The following GRIP1 variants were observed in gnomAD, a reference collection of about 807,000 sequenced individuals.
GRIP1 encodes the protein glutamate receptor interacting protein 1, also known as glutamate receptor-interacting protein 1.
GRIP1 carries 45 observed loss-of-function variants against 129.9 expected under a neutral mutation model. The ratio of observed to expected loss-of-function variants is 0.35; its 90% CI spans 0.27 to 0.44. GRIP1 has a LOEUF of 0.44. GRIP1 is among the 20% of genes least tolerant of loss of function. The probability of loss-of-function intolerance (pLI) is 1.00; values close to 1 mark genes in which losing one functional copy is unlikely to be tolerated. For synonymous variants in GRIP1, 530 were observed against 520.8 expected, an observed-to-expected ratio of 1.02 and a Z score of -0.24; for missense variants, 1,196 against 1,396.8, an observed-to-expected ratio of 0.86 and a Z score of 2.29.
intron 1 of GRIP1, among the ~76,000 whole-genome samples, chr12:66,873,579 T>G (rs1163379952): frequency 6.6e-6 from 1 of 152,078 alleles, no homozygotes; most frequent in Non-Finnish European, 1.5e-5. Context: ...ATAATTTGAC[T>G]ATGGAATACT....
At chr12:66,778,786 G>A (rs753369562) in intron 1 of GRIP1, among the ~76,000 whole-genome samples, 1 of 152,122 alleles carries the variant, frequency 6.6e-6, no homozygotes, top group African/African-American at 2.4e-5. Context: ...TATTCGATAC[G>A]TGCAAAATTG....
At chr12:66,860,868 T>C (rs181150693) in intron 1 of GRIP1, among the ~76,000 whole-genome samples, 1 of 152,190 alleles carries the variant, frequency 6.6e-6, no homozygotes, top group Admixed American at 6.6e-5. Context: ...GCTAGTTTTC[T>C]TTCCTTACTT....
At chr12:66,528,141 T>TTTTTGTTTTTG (rs1555201191) in intron 5 of GRIP1, among the ~76,000 whole-genome samples, 4 of 96,578 alleles carry the variant, frequency 4.1e-5, no homozygotes, top group African/African-American at 1.4e-4. Flanking sequence ...TAGGTTTTTT[T>TTTTTGTTTTTG]TTTTTTTTTT....
intron 1 of GRIP1, among the ~76,000 whole-genome samples, chr12:66,779,564 C>A (rs1485871377): frequency 1.3e-5 from 2 of 152,178 alleles, no homozygotes; most frequent in Non-Finnish European, 2.9e-5. Context: ...AGCTGAGGTT[C>A]ACAAGACAAA....
At chr12:66,757,832 C>G (rs541717424) in intron 1 of GRIP1, among the ~76,000 whole-genome samples, 1 of 152,240 alleles carries the variant, frequency 6.6e-6, no homozygotes, top group Admixed American at 6.5e-5. Flanking sequence ...TGATTTGCAT[C>G]TCTCTGATGA....
At chr12:66,437,553 A>ATC (rs2058347536) in intron 13 of GRIP1, among the ~76,000 whole-genome samples, 1 of 152,222 alleles carries the variant, frequency 6.6e-6, no homozygotes, top group Non-Finnish European at 1.5e-5. Context: ...CTTATCAAGT[A>ATC]AGCTGGGTAC....
chr12:66,836,381 A>C (rs1380468209), intron 1 of GRIP1, among the ~76,000 whole-genome samples: 1 of 152,158 alleles, frequency 6.6e-6, no homozygotes, highest in Non-Finnish European at 1.5e-5. Context: ...CTTTTATATA[A>C]GCCAGCTACT....
intron 2 of GRIP1, among the ~76,000 whole-genome samples, chr12:66,566,521 C>G (rs1034730820): frequency 6.6e-6 from 1 of 152,070 alleles, no homozygotes; most frequent in Non-Finnish European, 1.5e-5. Context: ...ATTCAGTTTG[C>G]CAGTATTTTA....
intron 1 of GRIP1, among the ~76,000 whole-genome samples, chr12:66,651,535 A>G (rs533593532): frequency 6.6e-6 from 1 of 152,312 alleles, no homozygotes; most frequent in South Asian, 2.1e-4. Context: ...CGTGGATATG[A>G]GCACTTGAGC....
At chr12:66,909,154 T>C (rs1057090886) in intron 1 of GRIP1, among the ~76,000 whole-genome samples, 1 of 152,232 alleles carries the variant, frequency 6.6e-6, no homozygotes, top group Non-Finnish European at 1.5e-5. Flanking sequence ...CTATCCTTGT[T>C]ATCATTCATG....
At chr12:66,651,644 T>C (rs12827280) in intron 1 of GRIP1, among the ~76,000 whole-genome samples, 83,607 of 151,986 alleles carry the variant, frequency 0.55, 23,799 homozygotes, top group East Asian at 0.78. Context: ...ATTATATCTG[T>C]AGGCCTATAA....
At chr12:66,519,458 CTGAT>C (rs2060938688) in intron 5 of GRIP1, among the ~76,000 whole-genome samples, 1 of 152,140 alleles carries the variant, frequency 6.6e-6, no homozygotes, top group African/African-American at 2.4e-5. Flanking sequence ...TAAAGGAAAA[CTGAT>C]TGAGAAAAGG....
chr12:66,594,256 T>C (rs984097287), intron 2 of GRIP1, among the ~76,000 whole-genome samples: 1 of 151,894 alleles, frequency 6.6e-6, no homozygotes, highest in Non-Finnish European at 1.5e-5. Flanking sequence ...CACTTTTCTC[T>C]AGAGGCATCT....
chr12:66,811,989 C>A (rs956429400), intron 1 of GRIP1, among the ~76,000 whole-genome samples: 1 of 152,054 alleles, frequency 6.6e-6, no homozygotes, highest in African/African-American at 2.4e-5. Context: ...ATTTCTTTGG[C>A]CCCCAATCCT....
chr12:66,490,124 G>T (rs1480542895), intron 7 of GRIP1, among the ~76,000 whole-genome samples: 1 of 151,622 alleles, frequency 6.6e-6, no homozygotes, highest in Non-Finnish European at 1.5e-5. Flanking sequence ...AATTAGAAAA[G>T]AAATTTTTTA....
intron 16 of GRIP1, among the ~76,000 whole-genome samples, chr12:66,403,405 T>C (rs2057079305): frequency 6.6e-6 from 1 of 152,242 alleles, no homozygotes; most frequent in Admixed American, 6.5e-5. Flanking sequence ...GAATAATGTT[T>C]TTTTTTCCTC....
intron 1 of GRIP1, among the ~76,000 whole-genome samples, chr12:67,042,175 C>G (rs1251041653): frequency 6.6e-6 from 1 of 152,184 alleles, no homozygotes; most frequent in East Asian, 1.9e-4. Flanking sequence ...TCACCAGATG[C>G]AGCCTCTCCA....
intron 1 of GRIP1, among the ~76,000 whole-genome samples, chr12:67,026,278 A>G (rs545303656): frequency 6.6e-6 from 1 of 152,380 alleles, no homozygotes; most frequent in South Asian, 2.1e-4. Flanking sequence ...CCATTCAAAG[A>G]TAACACCATT....
intron 24 of GRIP1, among the ~76,000 whole-genome samples, chr12:66,352,004 T>G (rs2054249327): frequency 6.6e-6 from 1 of 152,144 alleles, no homozygotes; most frequent in Non-Finnish European, 1.5e-5. Context: ...GGCCTAGGGA[T>G]TAGAAGAGCA....
Sources: allele counts gnomAD v4.1 joint callset (sites outside exome capture counted in the v4.1 genomes callset), GRCh38; gene constraint gnomAD v4.1.1; transcripts MANE v1.5; gene names NCBI Gene and HGNC (gene_info 2026-07-23, HGNC 2026-07-21).